The following SEMA6D variants were observed in gnomAD, a reference collection of about 807,000 sequenced individuals.
The protein encoded by SEMA6D is semaphorin 6D, also known as semaphorin-6D.
A neutral mutation model predicts 106.6 loss-of-function variants in SEMA6D; 35 were observed. That is an observed-to-expected ratio of 0.33 (90% CI 0.25 to 0.44). The LOEUF is 0.44. Among genes scored for constraint, SEMA6D ranks in the 20% least tolerant of loss-of-function variants. The pLI, the probability that SEMA6D is intolerant of heterozygous loss-of-function variation, is 1.00. For synonymous variants in SEMA6D, 499 were observed against 487.7 expected, an observed-to-expected ratio of 1.02 and a Z score of -0.31; for missense variants, 1,185 against 1,345.9, an observed-to-expected ratio of 0.88 and a Z score of 1.87.
intron 4 of SEMA6D, among the ~76,000 whole-genome samples, chr15:47,689,417 T>A (rs2078537465): frequency 6.6e-6 from 1 of 152,204 alleles, no homozygotes; most frequent in South Asian, 2.1e-4. Context: ...ATTACACCAA[T>A]GAGATGGCAA....
intron 8 of SEMA6D, among the ~76,000 whole-genome samples, 199 bp downstream of exon 8, chr15:47,762,518 C>T (rs1567097407): frequency 6.6e-6 from 1 of 151,920 alleles, no homozygotes; most frequent in African/African-American, 2.4e-5. Context: ...TAAGTTCATC[C>T]AGGTGTTTAT....
In SEMA6D at chr15:47,765,063, A is replaced by C; in HGVS notation, c.1427+7A>C. On this transcript the variant is annotated splice_region_variant and intron_variant, in intron 13 of 18. Transcript: ENST00000536845. The stretch of plus-strand genomic sequence containing the variant: ...AAGCCTACAACCATGCAAAGTAGGT[A>C]TATGTTACGAGAACGCCCTTCAGCA... 1 of 1,613,506 alleles carries C rather than the reference A, an allele frequency of 6.2e-7. No homozygotes were observed. The highest frequency in any genetic ancestry group is 8.5e-7 in the Non-Finnish European group (1 of 1,179,602).
chr15:47,730,653 T>C, intron 1 of SEMA6D: 1 of 1,605,658 alleles, frequency 6.2e-7, no homozygotes, highest in Non-Finnish European at 8.5e-7. Context: ...TGGGCCAGCT[T>C]ATGCAGCTCG....
intron 9 of SEMA6D, 94 bp downstream of exon 9, chr15:47,763,198 C>A: frequency 1.1e-6 from 1 of 949,612 alleles, no homozygotes; most frequent in South Asian, 1.7e-5. Context: ...GGCATGTTTT[C>A]CAGCTCTCAA....
intron 1 of SEMA6D, among the ~76,000 whole-genome samples, chr15:47,290,467 C>T (rs16959181): frequency 6.6e-6 from 1 of 151,894 alleles, no homozygotes; most frequent in South Asian, 2.1e-4. Flanking sequence ...AATGACAGAG[C>T]TGAAAGAAAC....
intron 1 of SEMA6D, among the ~76,000 whole-genome samples, chr15:47,281,303 G>T (rs1375356370): frequency 1.7e-5 from 2 of 118,120 alleles, no homozygotes; most frequent in Non-Finnish European, 3.5e-5. Context: ...TGTCTCTTTT[G>T]ATCTTTGTTG....
chr15:47,641,959 CCTTGTCGGCCT>C (rs2077496361), intron 4 of SEMA6D, among the ~76,000 whole-genome samples: 1 of 152,140 alleles, frequency 6.6e-6, no homozygotes, highest in Non-Finnish European at 1.5e-5. Context: ...CACTTGGTTG[CCTTGTCGGCCT>C]CCCCTGCTAG....
chr15:47,335,876 G>A (rs1056855099), intron 1 of SEMA6D, among the ~76,000 whole-genome samples: 7 of 152,138 alleles, frequency 4.6e-5, no homozygotes, highest in Admixed American at 2.6e-4. Context: ...ACAACACTGT[G>A]GAAGGTCAAG....
At chr15:47,598,257 A>G (rs1047526198) in intron 3 of SEMA6D, among the ~76,000 whole-genome samples, 1 of 152,164 alleles carries the variant, frequency 6.6e-6, no homozygotes, top group Admixed American at 6.6e-5. Flanking sequence ...TGGGCACTTC[A>G]GTGCCCTCAT....
intron 2 of SEMA6D, among the ~76,000 whole-genome samples, chr15:47,467,228 C>G (rs537487064): frequency 6.6e-6 from 1 of 152,216 alleles, no homozygotes; most frequent in South Asian, 2.1e-4. Context: ...CTCCCTGCTA[C>G]AAGGCTGAGA....
At chr15:47,313,590 T>C (rs1325901678) in intron 1 of SEMA6D, among the ~76,000 whole-genome samples, 1 of 152,200 alleles carries the variant, frequency 6.6e-6, no homozygotes, top group Non-Finnish European at 1.5e-5. Context: ...TTAAAGCCAG[T>C]GTCTCTCTCT....
chr15:47,512,741 A>G (rs1282671349), intron 3 of SEMA6D, among the ~76,000 whole-genome samples: 1 of 152,208 alleles, frequency 6.6e-6, no homozygotes. Flanking sequence ...TCTCAGAAAC[A>G]AGACAGAAGC....
chr15:47,492,984 GAA>G (rs749655218), intron 3 of SEMA6D, among the ~76,000 whole-genome samples: 2 of 151,792 alleles, frequency 1.3e-5, no homozygotes, highest in Non-Finnish European at 2.9e-5. Context: ...GGAGAAACAA[GAA>G]AAAAAACTAA....
intron 3 of SEMA6D, among the ~76,000 whole-genome samples, chr15:47,550,182 A>G (rs4774496): frequency 0.73 from 110,681 of 152,104 alleles, 40,535 homozygotes; most frequent in African/African-American, 0.78. Flanking sequence ...GAATTTTAGA[A>G]TTAGGGTTTC....
At chr15:47,294,682 T>G (rs927676300) in intron 1 of SEMA6D, among the ~76,000 whole-genome samples, 4 of 152,218 alleles carry the variant, frequency 2.6e-5, no homozygotes, top group African/African-American at 2.4e-5. Context: ...AACATTCCAG[T>G]GCACTCTTGA....
At chr15:47,501,489 G>A (rs1160671692) in intron 3 of SEMA6D, among the ~76,000 whole-genome samples, 1 of 152,128 alleles carries the variant, frequency 6.6e-6, no homozygotes, top group Admixed American at 6.5e-5. Flanking sequence ...CTTGTAAATG[G>A]GACATCGTTC....
chr15:47,726,072 G>A (rs1024198342), intron 1 of SEMA6D, among the ~76,000 whole-genome samples: 3 of 152,198 alleles, frequency 2.0e-5, no homozygotes, highest in African/African-American at 7.2e-5. Context: ...AATCGGTCTG[G>A]CTCCCACCCC....
At chr15:47,457,647 A>G (rs2042385350) in intron 2 of SEMA6D, among the ~76,000 whole-genome samples, 1 of 152,010 alleles carries the variant, frequency 6.6e-6, no homozygotes, top group South Asian at 2.1e-4. Context: ...GAAACTAACC[A>G]AATTTCTCAC....
At chr15:47,717,967 C>T (rs1450553236) in intron 1 of SEMA6D, among the ~76,000 whole-genome samples, 1 of 152,022 alleles carries the variant, frequency 6.6e-6, no homozygotes, top group African/African-American at 2.4e-5. Flanking sequence ...GTTTGGCGGA[C>T]GCGTCAAAAC....
Sources: gnomAD v4.1 joint callset for allele counts (sites outside exome capture counted in the v4.1 genomes callset) on GRCh38, gnomAD v4.1.1 for gene constraint, MANE v1.5 for transcripts, NCBI Gene and HGNC (gene_info 2026-07-23, HGNC 2026-07-21) for gene names.